Variants in RSU1 observed in about 807,000 individuals in gnomAD.
The protein encoded by RSU1 is rsu-1.
RSU1 carries 26 observed loss-of-function variants against 31.1 expected under a neutral mutation model. The observed-to-expected ratio is 0.84, with a 90% confidence interval of 0.61 to 1.16. The LOEUF (loss-of-function observed/expected upper bound fraction) is 1.16, where lower values mean the gene tolerates loss of function less well. Ranked by LOEUF, RSU1 falls within the 50% of genes most tolerant of loss-of-function variation. RSU1 has a pLI of 0.00. For synonymous variants in RSU1, 164 were observed against 136.3 expected, an observed-to-expected ratio of 1.20 and a Z score of -1.41; for missense variants, 320 against 339.1, an observed-to-expected ratio of 0.94 and a Z score of 0.44.
At chr10:16,623,541 C>T (rs899745936) in intron 8 of RSU1, among the ~76,000 whole-genome samples, 1 of 152,068 alleles carries the variant, frequency 6.6e-6, no homozygotes, top group African/African-American at 2.4e-5. Context: ...AGATATATAC[C>T]CACCAATGGG....
At chr10:16,646,535 G>A (rs986652422) in intron 8 of RSU1, among the ~76,000 whole-genome samples, 27 of 152,026 alleles carry the variant, frequency 1.8e-4, no homozygotes, top group Non-Finnish European at 3.7e-4. Flanking sequence ...ATTGGTCCCC[G>A]CACACACTTC....
chr10:16,619,684 A>G (rs1359939842), intron 8 of RSU1, among the ~76,000 whole-genome samples: 3 of 152,264 alleles, frequency 2.0e-5, no homozygotes, highest in Admixed American at 2.0e-4. Flanking sequence ...ACACATGGAC[A>G]GAATATGGTC....
At chr10:16,745,774 G>A (rs1836840314) in intron 7 of RSU1, among the ~76,000 whole-genome samples, 1 of 152,212 alleles carries the variant, frequency 6.6e-6, no homozygotes, top group African/African-American at 2.4e-5. Context: ...GGCAGTGGGA[G>A]AGTGAGGTTT....
At chr10:16,795,341 G>A (rs1838006735) in intron 2 of RSU1, among the ~76,000 whole-genome samples, 1 of 122,408 alleles carries the variant, frequency 8.2e-6, no homozygotes, top group Non-Finnish European at 1.6e-5. Context: ...GCGACAGAGT[G>A]AGACTCCATC....
intron 8 of RSU1, among the ~76,000 whole-genome samples, chr10:16,640,351 T>C (rs1834419300): frequency 6.6e-6 from 1 of 152,176 alleles, no homozygotes; most frequent in African/African-American, 2.4e-5. Context: ...AACCTCTTCA[T>C]CATCCCCCTG....
rs1835646234 is a variant in RSU1 at position 16,695,109 on chromosome 10, G to A, written c.645C>T (p.Asn215=). Residue 215 remains asparagine, a synonymous_variant, in exon 8 of 9, where the codon AAC becomes AAT. Coordinates refer to ENST00000345264, the MANE Select transcript of RSU1 (RefSeq NM_012425.4). ...TGQKQVFKAE[N]NPWVTPIADQ... ...CTGCAATGGGGGTCACCCAGGGATTGTTCTCTGCTTTGAATACCTGCTTCT... is the reference window on the plus strand; with the variant it reads ...CTGCAATGGGGGTCACCCAGGGATTATTCTCTGCTTTGAATACCTGCTTCT... The A allele has an allele frequency of 2.5e-6, 4 of 1,578,934 alleles. No individual in the cohort carries two copies. The highest frequency in any genetic ancestry group is 1.7e-4 in the Middle Eastern group (1 of 5,876).
chr10:16,767,844 G>C (rs1420156664), intron 3 of RSU1, among the ~76,000 whole-genome samples: 1 of 152,134 alleles, frequency 6.6e-6, no homozygotes, highest in African/African-American at 2.4e-5. Flanking sequence ...CAGGCCTAGT[G>C]CTTGGAAAAT....
chr10:16,622,637 C>G (rs543611959), intron 8 of RSU1, among the ~76,000 whole-genome samples: 1 of 152,078 alleles, frequency 6.6e-6, no homozygotes, highest in African/African-American at 2.4e-5. Context: ...TGGCAGAGTT[C>G]GAGGAGAGAA....
chr10:16,780,773 G>A (rs1837633157), intron 3 of RSU1, among the ~76,000 whole-genome samples: 1 of 152,132 alleles, frequency 6.6e-6, no homozygotes, highest in South Asian at 2.1e-4. Context: ...TGGACCACGG[G>A]ACCATTTCCC....
chr10:16,733,728 C>T (rs1456079972), intron 7 of RSU1, among the ~76,000 whole-genome samples: 2 of 152,080 alleles, frequency 1.3e-5, no homozygotes, highest in Non-Finnish European at 2.9e-5. Flanking sequence ...ATATACTGAA[C>T]ATGCAGAAAT....
Position 16,807,025 on chromosome 10 carries a change from TGGGATTACAGCAGGCATGAGTCAG to T in RSU1, c.109+9924_109+9947del, listed in dbSNP as rs1404121457. Among the ~76,000 whole-genome samples the T allele has an allele frequency of 8.5e-5, 13 of 152,270 alleles. No individual in the cohort carries two copies. In the South Asian group the frequency reaches 1.0e-3, roughly 12 times the overall value. On this transcript the variant is annotated intron_variant, in intron 2 of 8. Coordinates refer to ENST00000345264, the MANE Select transcript of RSU1 (RefSeq NM_012425.4). ...CACCCACGTTGGCCTCCGGAAGCGC[TGGGATTACAGCAGGCATGAGTCAG>T]GCTGGGATTACAGCAGGCATGAGCC...
At chr10:16,722,500 G>T (rs1354167321) in intron 7 of RSU1, among the ~76,000 whole-genome samples, 1 of 152,114 alleles carries the variant, frequency 6.6e-6, no homozygotes, top group Non-Finnish European at 1.5e-5. Context: ...ACAATGTGAG[G>T]TGCCTCTGGA....
intron 7 of RSU1, among the ~76,000 whole-genome samples, chr10:16,749,696 T>C (rs1836933888): frequency 6.6e-6 from 1 of 152,178 alleles, no homozygotes; most frequent in African/African-American, 2.4e-5. Flanking sequence ...CGCAACTGGC[T>C]TGGAAAGGGC....
intron 7 of RSU1, among the ~76,000 whole-genome samples, chr10:16,726,267 CTT>C (rs760586484): frequency 3.6e-5 from 5 of 137,084 alleles, no homozygotes; most frequent in East Asian, 2.0e-4. Context: ...AGGAACGTAT[CTT>C]TTTTTTTTTT....
intron 8 of RSU1, among the ~76,000 whole-genome samples, chr10:16,623,882 A>G (rs533284389): frequency 6.6e-6 from 1 of 152,312 alleles, no homozygotes; most frequent in Admixed American, 6.5e-5. Flanking sequence ...GTGGATATTA[A>G]TACATCAGTG....
At chr10:16,791,868 GTGGAAC>G (rs1564359814) in intron 2 of RSU1, among the ~76,000 whole-genome samples, 2 of 152,152 alleles carry the variant, frequency 1.3e-5, no homozygotes, top group Admixed American at 1.3e-4. Context: ...TCACAAAGAT[GTGGAAC>G]TCTGGAACTT....
chr10:16,766,293 A>T (rs1837313564), intron 3 of RSU1, among the ~76,000 whole-genome samples: 1 of 152,248 alleles, frequency 6.6e-6, no homozygotes, highest in African/African-American at 2.4e-5. Flanking sequence ...CCTCTGGGAT[A>T]CCTGCAGGAA....
At chr10:16,625,318 C>T (rs1396974084) in intron 8 of RSU1, among the ~76,000 whole-genome samples, 2 of 152,148 alleles carry the variant, frequency 1.3e-5, no homozygotes, top group Non-Finnish European at 2.9e-5. Context: ...ACCAGGCCCG[C>T]CCCTACCCAC....
At chr10:16,780,731 G>A (rs778756788) in intron 3 of RSU1, among the ~76,000 whole-genome samples, 5 of 152,168 alleles carry the variant, frequency 3.3e-5, no homozygotes, top group Non-Finnish European at 7.3e-5. Context: ...AACAGACCAT[G>A]AATCCCTTCT....
Sources: gnomAD v4.1 joint callset for allele counts (sites outside exome capture counted in the v4.1 genomes callset) on GRCh38, gnomAD v4.1.1 for gene constraint, MANE v1.5 for transcripts, NCBI Gene and HGNC (gene_info 2026-07-23, HGNC 2026-07-21) for gene names.